The following INPP4B variants were observed in gnomAD, a reference collection of about 807,000 sequenced individuals.
INPP4B encodes the protein inositol polyphosphate-4-phosphatase type II B.
INPP4B carries 55 observed loss-of-function variants against 122.5 expected under a neutral mutation model. That is an observed-to-expected ratio of 0.45 (90% CI 0.36 to 0.56). INPP4B has a LOEUF of 0.56. Ranked by LOEUF, INPP4B falls within the 20% of genes least tolerant of loss-of-function variation. The pLI, the probability that INPP4B is intolerant of heterozygous loss-of-function variation, is 0.00. For missense variants in INPP4B, 1,000 were observed against 1,097.7 expected (o/e 0.91, Z 1.26); for synonymous variants, 403 against 388.7 (o/e 1.04, Z -0.43).
intron 23 of INPP4B, among the ~76,000 whole-genome samples, chr4:142,096,867 A>G (rs1409195187): frequency 6.6e-6 from 1 of 152,168 alleles, no homozygotes; most frequent in Non-Finnish European, 1.5e-5. Flanking sequence ...CATATAAATT[A>G]AAAGAACATT....
intron 5 of INPP4B, chr4:142,427,546 A>G: frequency 1.7e-6 from 1 of 598,906 alleles, no homozygotes; most frequent in Non-Finnish European, 3.0e-6. Flanking sequence ...CAGCATAGTT[A>G]GGTCTTTGAA....
intron 1 of INPP4B, among the ~76,000 whole-genome samples, chr4:142,769,130 T>G (rs984133742): frequency 6.6e-6 from 1 of 152,214 alleles, no homozygotes; most frequent in Non-Finnish European, 1.5e-5. Context: ...CCCAGGTTTC[T>G]GTGTTAAGTG....
intron 12 of INPP4B, among the ~76,000 whole-genome samples, chr4:142,226,062 TAC>T (rs1484135288): frequency 6.6e-6 from 1 of 152,162 alleles, no homozygotes; most frequent in Non-Finnish European, 1.5e-5. Flanking sequence ...TTTGAAATAG[TAC>T]AAAATTTGAA....
At chr4:142,451,987 T>C (rs935223669) in intron 3 of INPP4B, among the ~76,000 whole-genome samples, 2 of 152,106 alleles carry the variant, frequency 1.3e-5, no homozygotes, top group African/African-American at 4.8e-5. Flanking sequence ...ATGTGCCATG[T>C]TGGTTTGCTG....
At chr4:142,575,543 C>T (rs548541098) in intron 2 of INPP4B, among the ~76,000 whole-genome samples, 2 of 152,148 alleles carry the variant, frequency 1.3e-5, no homozygotes, top group East Asian at 3.9e-4. Context: ...ATAATGTAAA[C>T]ACCTCTGAGT....
At chr4:142,367,276 A>G (rs1787909745) in intron 7 of INPP4B, among the ~76,000 whole-genome samples, 1 of 150,796 alleles carries the variant, frequency 6.6e-6, no homozygotes, top group Non-Finnish European at 1.5e-5. Flanking sequence ...TGTTCTTTTT[A>G]CCTGTTAGAT....
At chr4:142,393,735 AC>A (rs1798461893) in intron 7 of INPP4B, among the ~76,000 whole-genome samples, 2 of 152,230 alleles carry the variant, frequency 1.3e-5, no homozygotes, top group Non-Finnish European at 2.9e-5. Context: ...CCATACTTCA[AC>A]CAATCATACA....
intron 2 of INPP4B, among the ~76,000 whole-genome samples, chr4:142,535,040 C>T (rs923091099): frequency 1.3e-5 from 2 of 152,166 alleles, no homozygotes; most frequent in Non-Finnish European, 2.9e-5. Context: ...TCTGAAATAA[C>T]ATCAATTATC....
intron 2 of INPP4B, among the ~76,000 whole-genome samples, chr4:142,555,676 G>A (rs1191829725): frequency 2.0e-5 from 3 of 151,988 alleles, no homozygotes; most frequent in Non-Finnish European, 4.4e-5. Flanking sequence ...AGATCATCCT[G>A]GCTAACACGG....
rs147651937 is a variant in INPP4B, at chr4:142,205,936, T to A, written c.1072+2489A>T. On this transcript the variant is annotated intron_variant, in intron 14 of 25. Transcript: ENST00000262992. ...CTCAGTAATCAAGGAAGAACTACTG[T>A]CTTACTCCATTTTGTGCTGCTATAA... 5.3e-5 allele frequency among the ~76,000 whole-genome samples: 8 copies of A among 152,242 alleles called. No homozygotes were observed. In the East Asian group the frequency reaches 1.5e-3, roughly 29 times the overall value.
chr4:142,432,648 G>T (rs1809578717), intron 3 of INPP4B, among the ~76,000 whole-genome samples: 1 of 151,986 alleles, frequency 6.6e-6, no homozygotes, highest in South Asian at 2.1e-4. Flanking sequence ...CACATTCATA[G>T]CACCACGTTC....
At chr4:142,357,953 A>G (rs1166623788) in intron 7 of INPP4B, among the ~76,000 whole-genome samples, 1 of 152,032 alleles carries the variant, frequency 6.6e-6, no homozygotes, top group Non-Finnish European at 1.5e-5. Context: ...AGGACACACA[A>G]AAGACTTGAT....
chr4:142,298,396 A>C (rs913536541), intron 9 of INPP4B, among the ~76,000 whole-genome samples: 1 of 152,096 alleles, frequency 6.6e-6, no homozygotes, highest in Non-Finnish European at 1.5e-5. Context: ...CTCTAAAATA[A>C]TTTGATCAGG....
At chr4:142,646,146 T>C (rs1751732159) in intron 2 of INPP4B, among the ~76,000 whole-genome samples, 1 of 152,178 alleles carries the variant, frequency 6.6e-6, no homozygotes, top group Admixed American at 6.6e-5. Context: ...GTATATACAT[T>C]TATCAAAACC....
At chr4:142,797,766 G>GA (rs1417523920) in intron 1 of INPP4B, among the ~76,000 whole-genome samples, 109 of 151,786 alleles carry the variant, frequency 7.2e-4, no homozygotes, top group African/African-American at 2.6e-3. Context: ...GAATTTATTG[G>GA]AAAAAGATTA....
rs763899570 is a variant in INPP4B, at chr4:142,028,394, C to T, written c.*388G>A. 2.5e-5 allele frequency: 6 copies of T among 238,710 alleles called. No individual in the cohort carries two copies. Among genetic ancestry groups the T allele is most frequent in the Non-Finnish European group, 4.1e-5 (5 of 122,130 alleles). 14.8% of individuals were successfully genotyped at this position (238,710 alleles called of 1,614,324 possible). A position where few individuals can be genotyped will look rare whatever the true frequency, so the allele number is the denominator to read the frequency against. On this transcript the variant is annotated 3_prime_UTR_variant, in exon 26 of 26. Transcript: ENST00000262992. ...ATCACAAAAAAAATATGTTCCTTTT[C>T]CCCCTCTCCTCTCTTCCATTTGGTT...
At chr4:142,829,594 C>T (rs1781863296) in intron 1 of INPP4B, among the ~76,000 whole-genome samples, 1 of 152,100 alleles carries the variant, frequency 6.6e-6, no homozygotes, top group African/African-American at 2.4e-5. Context: ...AGACAGAGCA[C>T]TCCAAAGAAA....
chr4:142,607,424 C>T (rs1330398023), intron 2 of INPP4B, among the ~76,000 whole-genome samples: 5 of 151,994 alleles, frequency 3.3e-5, no homozygotes, highest in African/African-American at 9.7e-5. Flanking sequence ...GAAATTGCCA[C>T]CTATTTATAT....
chr4:142,213,735 G>T (rs1483017605), intron 12 of INPP4B, among the ~76,000 whole-genome samples: 1 of 152,154 alleles, frequency 6.6e-6, no homozygotes, highest in East Asian at 1.9e-4. Flanking sequence ...TGCACCTCAG[G>T]TTACCTCCTT....
Sources: allele counts gnomAD v4.1 joint callset (sites outside exome capture counted in the v4.1 genomes callset), GRCh38; gene constraint gnomAD v4.1.1; transcripts MANE v1.5; gene names NCBI Gene and HGNC (gene_info 2026-07-23, HGNC 2026-07-21).